OR7C1: variants seen among roughly 807,000 people sequenced by gnomAD.
OR7C1 encodes the protein olfactory receptor 7C1.
For missense variants in OR7C1, 324 were observed against 383.3 expected (o/e 0.85, Z 1.29); for synonymous variants, 152 against 160.7 (o/e 0.95, Z 0.41).
intron 1 of OR7C1, chr19:14,826,540 A>C (rs1038878938): frequency 1.3e-5 from 2 of 152,200 alleles, no homozygotes; most frequent in African/African-American, 4.8e-5. Flanking sequence ...TCCATACTTC[A>C]ATGAGTCCAT....
chr19:14,830,607 T>G lies in OR7C1; in HGVS notation c.-623+4467A>C, dbSNP rs539189959. The stretch of plus-strand genomic sequence containing the variant: ...AAAGAATTCTGACATCTTTATTGAC[T>G]TCATGGTTTTTAATTTAACAATAGT... On this transcript the variant is annotated intron_variant, in intron 1 of 4. Coordinates refer to ENST00000641666, the Ensembl canonical transcript of OR7C1. Among the ~76,000 whole-genome samples the G allele has an allele frequency of 2.0e-5, 3 of 152,326 alleles. No individual in the cohort carries two copies. The South Asian group carries it at 6.2e-4, about 32-fold the overall frequency.
At chr19:14,807,713 G>A (rs940067785) in intron 2 of OR7C1, among the ~76,000 whole-genome samples, 2 of 151,728 alleles carry the variant, frequency 1.3e-5, no homozygotes, top group South Asian at 2.1e-4. Context: ...TGGCTAACAC[G>A]GTGAAACCCT....
intron 2 of OR7C1, among the ~76,000 whole-genome samples, chr19:14,801,442 C>A (rs1599911384): frequency 6.6e-6 from 1 of 152,236 alleles, no homozygotes; most frequent in East Asian, 1.9e-4. Flanking sequence ...GAAAGCCAGT[C>A]AGACATTATG....
chr19:14,832,897 T>C (rs1432637294), intron 1 of OR7C1, among the ~76,000 whole-genome samples: 1 of 152,324 alleles, frequency 6.6e-6, no homozygotes. Flanking sequence ...AATTTAATCA[T>C]ATCAACATAA....
intron 1 of OR7C1, among the ~76,000 whole-genome samples, chr19:14,818,051 CATTTTATTT>C (rs2044723538): frequency 1.0e-5 from 1 of 99,128 alleles, no homozygotes; most frequent in Non-Finnish European, 2.1e-5. Flanking sequence ...ATAAGTCATA[CATTTTATTT>C]ATTTTATTTA....
At chr19:14,820,947 A>G (rs1448995220) in intron 1 of OR7C1, among the ~76,000 whole-genome samples, 1 of 152,170 alleles carries the variant, frequency 6.6e-6, no homozygotes, top group Non-Finnish European at 1.5e-5. Flanking sequence ...CTCATCTACT[A>G]CTGGACCATA....
chr19:14,801,520 G>A (rs1375767384), intron 2 of OR7C1, among the ~76,000 whole-genome samples: 6 of 152,102 alleles, frequency 3.9e-5, no homozygotes, highest in Admixed American at 1.3e-4. Flanking sequence ...AAATTAATGC[G>A]ATTTTAGGAT....
intron 1 of OR7C1, among the ~76,000 whole-genome samples, chr19:14,818,062 T>TTTATTTTATTTTA (rs1555695177): frequency 2.2e-5 from 3 of 139,460 alleles, no homozygotes; most frequent in African/African-American, 8.0e-5. Context: ...ATTTTATTTA[T>TTTATTTTATTTTA]TTTATTTATT....
chr19:14,806,937 C>A (rs1246117365), intron 2 of OR7C1, among the ~76,000 whole-genome samples: 1 of 151,896 alleles, frequency 6.6e-6, no homozygotes, highest in Non-Finnish European at 1.5e-5. Flanking sequence ...ATTTCTGGTT[C>A]TAGATCCTTG....
intron 1 of OR7C1, among the ~76,000 whole-genome samples, chr19:14,815,811 G>C (rs984158736): frequency 2.9e-4 from 44 of 150,346 alleles, no homozygotes; most frequent in African/African-American, 1.0e-3. Flanking sequence ...GTGTGTGTGT[G>C]TGTGTCTGTG....
At chr19:14,816,960 T>C (rs2044718994) in intron 1 of OR7C1, among the ~76,000 whole-genome samples, 2 of 152,070 alleles carry the variant, frequency 1.3e-5, no homozygotes, top group South Asian at 4.2e-4. Flanking sequence ...CACAGAGAAA[T>C]CAGACACTTA....
At chr19:14,823,575 C>T (rs1345366175) in intron 1 of OR7C1, among the ~76,000 whole-genome samples, 1 of 152,190 alleles carries the variant, frequency 6.6e-6, no homozygotes, top group Non-Finnish European at 1.5e-5. Flanking sequence ...AAATAGTGTA[C>T]ATTGTACCCA....
intron 1 of OR7C1, among the ~76,000 whole-genome samples, chr19:14,822,491 T>C (rs1455761108): frequency 6.8e-6 from 1 of 146,954 alleles, no homozygotes; most frequent in Non-Finnish European, 1.5e-5. Context: ...TTCAAGCAAT[T>C]CTCCTGCCTC....
rs545607670 is a variant in OR7C1, at chr19:14,831,140, C to T, written c.-623+3934G>A. ...GTAAATTCTTACTGCCTACATGATG[C>T]CGGCCCCAGATAGCTGCTACCCATG... is the stretch of plus-strand genomic sequence containing the variant. On this transcript the variant is annotated intron_variant, in intron 1 of 4. Coordinates refer to ENST00000641666, the Ensembl canonical transcript of OR7C1. Among the ~76,000 whole-genome samples, 148 of 152,300 alleles carry T rather than the reference C, an allele frequency of 9.7e-4. 1 individual carries two copies. In the South Asian group the frequency reaches 0.029, roughly 29 times the overall value.
Position 14,823,890 on chromosome 19 carries a change from A to G in OR7C1, c.-623+11184T>C, listed in dbSNP as rs2044752846. ...CAGCACCGTTTATTGAAGAGATGGT[A>G]CTCTCACTATTGTGCTTTTTTTTTT... On this transcript the variant is annotated intron_variant, in intron 1 of 4. Coordinates refer to ENST00000641666, the Ensembl canonical transcript of OR7C1. Among the ~76,000 whole-genome samples the G allele has an allele frequency of 2.7e-5, 4 of 147,512 alleles. No individual in the cohort carries two copies. The South Asian group carries it at 8.4e-4, about 31-fold the overall frequency.
At chr19:14,810,346 C>A (rs942586296) in intron 1 of OR7C1, among the ~76,000 whole-genome samples, 2 of 150,934 alleles carry the variant, frequency 1.3e-5, no homozygotes, top group African/African-American at 2.5e-5. Context: ...ATGGTTTTGT[C>A]CCCTAACCAC....
chr19:14,829,367 C>G (rs1049854539), intron 1 of OR7C1, among the ~76,000 whole-genome samples: 1 of 152,190 alleles, frequency 6.6e-6, no homozygotes, highest in African/African-American at 2.4e-5. Flanking sequence ...CCACGCCCAG[C>G]TAATTTTGTA....
In OR7C1 at chr19:14,819,396, C is replaced by A. The variant is rs533791370; in HGVS notation, c.-622-9403G>T. Among the ~76,000 whole-genome samples, 190 of 152,156 alleles carry A rather than the reference C, an allele frequency of 1.2e-3. 5 individuals are homozygous for A. The South Asian group carries it at 0.038, about 30-fold the overall frequency. On this transcript the variant is annotated intron_variant, in intron 1 of 4. Coordinates refer to ENST00000641666, the Ensembl canonical transcript of OR7C1. ...CCCCGTGTTCTCACTCTTCAGCTCC[C>A]AGTTATAAGTGGGAACATGTGGTAT...
rs73504275 is a variant in OR7C1, at chr19:14,807,640, A to G, written c.-435+2166T>C. Among the ~76,000 whole-genome samples the G allele has an allele frequency of 1.4e-3, 213 of 152,058 alleles. 5 individuals carry two copies. Among genetic ancestry groups the G allele is most frequent in the African/African-American group, 4.8e-3 (197 of 41,314 alleles). ...TGACCCATTCTTTTAGGGAGGAGAC[A>G]CATTAACTCCTGATTGAATTAAAAC... On this transcript the variant is annotated intron_variant, in intron 2 of 4. Transcript: ENST00000641666.
Sources: gnomAD v4.1 joint callset for allele counts (sites outside exome capture counted in the v4.1 genomes callset) on GRCh38, gnomAD v4.1.1 for gene constraint, MANE v1.5 for transcripts, NCBI Gene and HGNC (gene_info 2026-07-23, HGNC 2026-07-21) for gene names.